Variants in ANKRD44 observed in about 807,000 individuals in gnomAD.
The protein encoded by ANKRD44 is ankyrin repeat domain 44, also known as serine/threonine-protein phosphatase 6 regulatory ankyrin repeat subunit B.
In ANKRD44, 35 loss-of-function variants were observed where a neutral mutation model predicts 116.0. The ratio of observed to expected loss-of-function variants is 0.30; its 90% CI spans 0.23 to 0.40. The LOEUF (loss-of-function observed/expected upper bound fraction) is 0.40. Among genes scored for constraint, ANKRD44 ranks in the 10% least tolerant of loss-of-function variants. ANKRD44 has a pLI of 1.00. For synonymous variants in ANKRD44, 435 were observed against 461.8 expected, an observed-to-expected ratio of 0.94 and a Z score of 0.74; for missense variants, 1,014 against 1,242.6, an observed-to-expected ratio of 0.82 and a Z score of 2.77.
intron 27 of ANKRD44, 117 bp from the exon 28 acceptor site, chr2:196,989,766 T>A: frequency 6.7e-7 from 1 of 1,497,748 alleles, no homozygotes; most frequent in South Asian, 1.3e-5. Flanking sequence ...CTTTTTTTGT[T>A]CCTTTTTGCA....
chr2:197,251,711 A>G (rs1182782771), intron 1 of ANKRD44, among the ~76,000 whole-genome samples: 2 of 150,326 alleles, frequency 1.3e-5, no homozygotes, highest in African/African-American at 5.0e-5. Context: ...ACATATTTCA[A>G]AACAAAGTTG....
At position 196,998,919 on chromosome 2, in the gene ANKRD44, C is replaced by T. The variant is rs925950082; in HGVS notation, c.2653G>A (p.Ala885Thr). ...ALMMAAENGQ[A>T]GAVDILVNSA... is the part of the protein sequence containing the mutation. ...AACAAGCACATACCCACAGCGCCTG[C>T]CTGCCCATTCTCAGCAGCCATCATC... Residue 885 changes from alanine to threonine, a missense_variant, in exon 24 of 28, where the codon GCA (alanine) becomes ACA (threonine). Transcript: ENST00000282272. The T allele has an allele frequency of 1.2e-6, 2 of 1,614,160 alleles. No individual in the cohort carries two copies. The highest frequency in any genetic ancestry group is 2.2e-5 in the South Asian group (2 of 91,080).
chr2:197,307,994 A>G (rs1042769247), intron 1 of ANKRD44, among the ~76,000 whole-genome samples: 2 of 151,996 alleles, frequency 1.3e-5, no homozygotes, highest in African/African-American at 4.8e-5. Context: ...ACATGGCGAA[A>G]CTCTGTGTCT....
chr2:197,011,133 T>C (rs939204210), intron 18 of ANKRD44, among the ~76,000 whole-genome samples: 2 of 152,176 alleles, frequency 1.3e-5, no homozygotes, highest in Admixed American at 6.5e-5. Flanking sequence ...TCTGCTACCA[T>C]TGGTGAAGTA....
chr2:197,129,096 T>C (rs1285548646), intron 4 of ANKRD44, among the ~76,000 whole-genome samples: 1 of 152,024 alleles, frequency 6.6e-6, no homozygotes, highest in African/African-American at 2.4e-5. Flanking sequence ...TGCTCAGGCA[T>C]GCTGTGAATC....
chr2:197,171,575 T>C (rs2080234644), intron 2 of ANKRD44, among the ~76,000 whole-genome samples: 1 of 152,192 alleles, frequency 6.6e-6, no homozygotes, highest in Non-Finnish European at 1.5e-5. Context: ...GATTTTTAGA[T>C]CAGTGAAACT....
chr2:197,061,925 C>T (rs1276436490), intron 16 of ANKRD44, among the ~76,000 whole-genome samples: 1 of 152,150 alleles, frequency 6.6e-6, no homozygotes, highest in Admixed American at 6.5e-5. Flanking sequence ...GGATTACAGG[C>T]ATGCGCCACC....
At chr2:197,278,096 T>C (rs983901347) in intron 1 of ANKRD44, among the ~76,000 whole-genome samples, 1 of 151,902 alleles carries the variant, frequency 6.6e-6, no homozygotes, top group African/African-American at 2.4e-5. Flanking sequence ...GGCAGCAAAT[T>C]AGCTAATAGT....
At chr2:197,099,568 T>C in intron 10 of ANKRD44, 1 of 1,201,316 alleles carries the variant, frequency 8.3e-7, no homozygotes, top group South Asian at 2.6e-5. Flanking sequence ...ACGAATAAAG[T>C]TCAAGTTTCC....
intron 1 of ANKRD44, among the ~76,000 whole-genome samples, chr2:197,297,334 A>T (rs1382228875): frequency 1.2e-4 from 19 of 152,234 alleles, no homozygotes; most frequent in Admixed American, 1.2e-3. Context: ...TGAGAGAGAG[A>T]AAGAAGACTA....
At position 197,222,805 on chromosome 2, in the gene ANKRD44, ATTT is replaced by A. The variant is rs1574305966; in HGVS notation, c.28-35702_28-35700del. 2.1e-5 allele frequency among the ~76,000 whole-genome samples: 3 copies of A among 143,574 alleles called. No individual in the cohort carries two copies. The East Asian group carries it at 5.8e-4, about 28-fold the overall frequency. 94.2% of individuals were successfully genotyped at this position (143,574 alleles called of 152,430 possible). A position where few individuals can be genotyped will look rare whatever the true frequency, so the allele number is the denominator to read the frequency against. On this transcript the variant is annotated intron_variant, in intron 1 of 27. Transcript: ENST00000282272. ...GGTAGTTGATTTATTTATTTTATTTATTTTTTATTTATTTATTTTTTTTTTGAG... is the reference window on the plus strand; with the variant it reads ...GGTAGTTGATTTATTTATTTTATTTATTTATTTATTTATTTTTTTTTTGAG...
chr2:197,199,103 T>A (rs1379584083), intron 1 of ANKRD44: 1 of 152,152 alleles, frequency 6.6e-6, no homozygotes, highest in Non-Finnish European at 1.5e-5. Context: ...GCAACCTACT[T>A]CTCTCCCCAT....
chr2:197,120,193 A>G (rs1204640963), intron 8 of ANKRD44, among the ~76,000 whole-genome samples: 1 of 152,026 alleles, frequency 6.6e-6, no homozygotes, highest in Non-Finnish European at 1.5e-5. Context: ...TCCCTACTAC[A>G]CTGTAAGTTC....
chr2:197,119,138 G>T (rs1319060474), intron 8 of ANKRD44, among the ~76,000 whole-genome samples: 1 of 151,120 alleles, frequency 6.6e-6, no homozygotes, highest in African/African-American at 2.4e-5. Flanking sequence ...CATGTTAGAG[G>T]TTTTATTGTT....
At chr2:197,019,434 C>T (rs938701097) in intron 17 of ANKRD44, among the ~76,000 whole-genome samples, 2 of 152,202 alleles carry the variant, frequency 1.3e-5, no homozygotes, top group African/African-American at 2.4e-5. Context: ...CAGTATTGGG[C>T]ATGCATTGCC....
At chr2:197,167,507 AG>A (rs2080126634) in intron 2 of ANKRD44, among the ~76,000 whole-genome samples, 2 of 152,300 alleles carry the variant, frequency 1.3e-5, no homozygotes, top group East Asian at 3.9e-4. Context: ...CAATCATCGA[AG>A]ACTTCCCAGA....
intron 16 of ANKRD44, among the ~76,000 whole-genome samples, chr2:197,037,142 G>A (rs192161303): frequency 6.6e-6 from 1 of 152,220 alleles, no homozygotes; most frequent in African/African-American, 2.4e-5. Context: ...ACGTTCATAT[G>A]AGCGGAGGTA....
chr2:196,999,000 G>T lies in ANKRD44; in HGVS notation c.2572C>A (p.Leu858Ile). ...FADHVECLQL[L>I]LRHSAPVNAV... Reference sequence around the variant, plus strand: ...TTCACTGGAGCACTGTGTCTCAGAAGAAGCTGCAAGCACTCCACATGATCA... The same window carrying T: ...TTCACTGGAGCACTGTGTCTCAGAATAAGCTGCAAGCACTCCACATGATCA... The change falls in exon 24 of 28, where the codon CTT becomes ATT. Residue 858 changes from leucine (L) to isoleucine (I), a missense_variant. Physicochemically the swap from Leu to Ile is conservative, Grantham distance 5 (BLOSUM62 2). Coordinates refer to ENST00000282272, the MANE Select transcript of ANKRD44 (RefSeq NM_001195144.2). 1 of 1,614,224 alleles carries T rather than the reference G, an allele frequency of 6.2e-7. No homozygotes were observed. Among genetic ancestry groups the T allele is most frequent in the Non-Finnish European group, 8.5e-7 (1 of 1,180,044 alleles).
intron 1 of ANKRD44, among the ~76,000 whole-genome samples, chr2:197,236,627 T>C (rs927563436): frequency 6.6e-5 from 10 of 150,644 alleles, no homozygotes; most frequent in Non-Finnish European, 1.2e-4. Context: ...ATTATAGAAC[T>C]AGTTTCCATT....
Sources: gnomAD v4.1 joint callset for allele counts (sites outside exome capture counted in the v4.1 genomes callset) on GRCh38, gnomAD v4.1.1 for gene constraint, MANE v1.5 for transcripts, NCBI Gene and HGNC (gene_info 2026-07-23, HGNC 2026-07-21) for gene names.